CD163L1: variants seen among roughly 807,000 people sequenced by gnomAD.
CD163L1 encodes the protein scavenger receptor cysteine-rich type 1 protein M160.
Under a neutral mutation model 165.4 loss-of-function variants are expected in CD163L1, and 124 were observed. The observed-to-expected ratio is 0.75, with a 90% CI of 0.65 to 0.87. The LOEUF is 0.87. CD163L1 is among the 40% of genes least tolerant of loss of function. The pLI, the probability that CD163L1 is intolerant of heterozygous loss-of-function variation, is 0.00. For synonymous variants in CD163L1, 585 were observed against 662.2 expected (o/e 0.88, Z 1.79); for missense variants, 1,525 against 1,799.9 (o/e 0.85, Z 2.76).
At position 7,400,912 on chromosome 12, in the gene CD163L1, G is replaced by C. The variant is rs776397360; in HGVS notation, c.1409-2328C>G. Among the ~76,000 whole-genome samples the C allele has an allele frequency of 6.6e-6, 1 of 152,124 alleles. No homozygotes were observed. Among genetic ancestry groups the C allele is most frequent in the African/African-American group, 2.4e-5 (1 of 41,426 alleles). The stretch of plus-strand genomic sequence containing the variant: ...AAAGGGACTCTATAAAATACACAGA[G>C]TTCTTACACATTATGAAGACAAAGA... On this transcript the variant is annotated intron_variant, in intron 6 of 19. Coordinates refer to ENST00000313599, the MANE Select transcript of CD163L1 (RefSeq NM_174941.6). The surrounding 1 kb of genome is among the most constrained non-coding windows in gnomAD (Gnocchi z 4.1).
intron 4 of CD163L1, among the ~76,000 whole-genome samples, chr12:7,428,316 T>C (rs1303944419): frequency 6.6e-6 from 1 of 152,128 alleles, no homozygotes; most frequent in Non-Finnish European, 1.5e-5. Flanking sequence ...CTATTTAGTA[T>C]GAAATATACA....
intron 18 of CD163L1, among the ~76,000 whole-genome samples, chr12:7,359,498 A>T (rs1946849469): frequency 6.6e-6 from 1 of 152,116 alleles, no homozygotes; most frequent in Non-Finnish European, 1.5e-5. Context: ...AGAATTCTGT[A>T]TTCAGGGGAA....
intron 8 of CD163L1, among the ~76,000 whole-genome samples, chr12:7,394,470 G>A (rs186682848): frequency 6.6e-6 from 1 of 152,146 alleles, no homozygotes; most frequent in Non-Finnish European, 1.5e-5. Context: ...TTCAATGTTA[G>A]ACCTAAAAGC....
chr12:7,438,257 C>A (rs193216894), intron 2 of CD163L1, among the ~76,000 whole-genome samples: 1 of 151,842 alleles, frequency 6.6e-6, no homozygotes, highest in Admixed American at 6.6e-5. Context: ...TTTTTATAGC[C>A]CTTGATAAAT....
Position 7,379,143 on chromosome 12 carries a change from C to T in CD163L1, c.2206G>A (p.Ala736Thr), listed in dbSNP as rs368373399. 3.1e-6 allele frequency: 5 copies of T among 1,614,044 alleles called. No individual in the cohort carries two copies. In the African/African-American group the frequency reaches 6.7e-5, roughly 22 times the overall value. Residue 736 changes from alanine to threonine, a missense_variant, in exon 9 of 20, where the codon GCA (alanine) becomes ACA (threonine). Coordinates refer to ENST00000313599, the MANE Select transcript of CD163L1 (RefSeq NM_174941.6). ...VVCRQLECGS[A>T]IRVSREPHFT... ...TGAGGCTCTCTGGAGACCCTGATTG[C>T]AGACCCACATTCAAGTTGCCTGCAA...
intron 8 of CD163L1, among the ~76,000 whole-genome samples, chr12:7,391,324 C>T (rs781651328): frequency 5.3e-5 from 8 of 152,184 alleles, no homozygotes; most frequent in African/African-American, 1.4e-4. Context: ...TCCAAAGGAT[C>T]GCACCTCCCC....
rs759297408 is a variant in CD163L1, at chr12:7,433,666, G to A, written c.153C>T (p.Val51=). The A allele has an allele frequency of 1.2e-6, 2 of 1,613,216 alleles. No individual in the cohort carries two copies. Among genetic ancestry groups the A allele is most frequent in the Non-Finnish European group, 1.7e-6 (2 of 1,179,484 alleles). The change falls in exon 3 of 20, where the codon GTC becomes GTT. Residue 51 remains valine, a synonymous_variant. Transcript: ENST00000313599. Reference sequence around the variant, plus strand: ...TCCCAGAGCAGGGACCGTCTCCATTGACCAGCCTCAACTCCAAATCTGTTC... The same window carrying A: ...TCCCAGAGCAGGGACCGTCTCCATTAACCAGCCTCAACTCCAAATCTGTTC... ...FNGTDLELRL[V]NGDGPCSGTV...
intron 4 of CD163L1, among the ~76,000 whole-genome samples, chr12:7,417,844 G>A (rs1948276759): frequency 6.6e-6 from 1 of 151,934 alleles, no homozygotes. Context: ...TCACATCGAT[G>A]TTCATCAGGG....
chr12:7,416,567 C>A (rs906459869), intron 4 of CD163L1, among the ~76,000 whole-genome samples: 1 of 152,150 alleles, frequency 6.6e-6, no homozygotes, highest in Non-Finnish European at 1.5e-5. Context: ...ATGTTTAAGT[C>A]TTTAATCCAT....
intron 8 of CD163L1, among the ~76,000 whole-genome samples, chr12:7,392,482 A>G (rs1419136373): frequency 6.6e-6 from 1 of 152,212 alleles, no homozygotes; most frequent in Non-Finnish European, 1.5e-5. Context: ...GGAAAGATCT[A>G]AAATCAACAC....
chr12:7,431,436 A>AC (rs1010681727), intron 4 of CD163L1, among the ~76,000 whole-genome samples: 20 of 151,876 alleles, frequency 1.3e-4, no homozygotes, highest in African/African-American at 4.6e-4. Context: ...CCAAAAAAAA[A>AC]AGATGAAGAA....
Position 7,367,289 on chromosome 12 carries a change from T to G in CD163L1, c.4226A>C (p.His1409Pro), listed in dbSNP as rs1427196126. Residue 1409 changes from histidine to proline, a missense_variant, in exon 18 of 20, where the codon CAT (histidine) becomes CCT (proline). By Grantham distance (77) the His-to-Pro change is moderately conservative. Coordinates refer to ENST00000313599, the MANE Select transcript of CD163L1 (RefSeq NM_174941.6). The stretch of plus-strand genomic sequence containing the variant: ...TCTCTTGAGGCAGGTCTCCATCTCA[T>G]GGAATAAATTCTCCTCGAGAGAACC... ...RRGSLEENLF[H>P]EMETCLKRED... The G allele has an allele frequency of 6.2e-7, 1 of 1,613,578 alleles. No individual in the cohort carries two copies. Among genetic ancestry groups the G allele is most frequent in the Non-Finnish European group, 8.5e-7 (1 of 1,179,598 alleles).
chr12:7,409,680 C>A (rs1225600413), intron 4 of CD163L1, among the ~76,000 whole-genome samples: 1 of 152,166 alleles, frequency 6.6e-6, no homozygotes, highest in African/African-American at 2.4e-5. Context: ...GGGTTGGAGA[C>A]CCCTGTCGTA....
the CD163L1 span, among the ~76,000 whole-genome samples, chr12:7,336,738 G>A: frequency 3.3e-5 from 5 of 152,026 alleles, no homozygotes; most frequent in East Asian, 3.9e-4. Flanking sequence ...AATCAATATC[G>A]TGAAAATGGC....
rs1229910529 is a variant in CD163L1 at position 7,440,001 on chromosome 12, G to A, written c.124+1153C>T. ...CAGCCTGCTCCATCCTAGCAGCTCC[G>A]CAAACCGCCGAGGAAAACCCGCTGC... On this transcript the variant is annotated intron_variant, in intron 2 of 19. Coordinates refer to ENST00000313599, the MANE Select transcript of CD163L1 (RefSeq NM_174941.6). The A allele has an allele frequency of 4.0e-6, 6 of 1,517,958 alleles. No homozygotes were observed. In the African/African-American group the frequency reaches 5.5e-5, roughly 14 times the overall value. The allele number at this position is 1,517,958 out of a possible 1,614,324, so 94.0% of individuals were successfully genotyped here. A position where few individuals can be genotyped will look rare whatever the true frequency, so the allele number is the denominator to read the frequency against.
At chr12:7,395,778 A>G (rs1026687360) in intron 8 of CD163L1, among the ~76,000 whole-genome samples, 5 of 152,152 alleles carry the variant, frequency 3.3e-5, no homozygotes, top group African/African-American at 1.2e-4. Context: ...TAAATAAATA[A>G]CTGAATTCTC....
At chr12:7,324,208 A>C in the CD163L1 span, 1 of 1,575,686 alleles carries the variant, frequency 6.3e-7, no homozygotes, top group African/African-American at 1.3e-5. Context: ...CTAGTCACTT[A>C]ATGAGTGCCA....
the CD163L1 span, among the ~76,000 whole-genome samples, chr12:7,319,211 C>A: frequency 9.9e-5 from 15 of 152,234 alleles, no homozygotes; most frequent in African/African-American, 3.6e-4. Context: ...CCCTCACATG[C>A]ACAGTTCACA....
At position 7,435,343 on chromosome 12, in the gene CD163L1, C is replaced by T. The variant is rs1355917911; in HGVS notation, c.125-1649G>A. On this transcript the variant is annotated intron_variant, in intron 2 of 19. Coordinates refer to ENST00000313599, the MANE Select transcript of CD163L1 (RefSeq NM_174941.6). ...AATATATTAGCAACATATATTATGA[C>T]TATGGACTAGTATCTAGATTATATT... Among the ~76,000 whole-genome samples, 3 of 151,398 alleles carry T rather than the reference C, an allele frequency of 2.0e-5. No individual in the cohort carries two copies. The South Asian group carries it at 6.2e-4, about 31-fold the overall frequency.
Sources: gnomAD v4.1 joint callset for allele counts (sites outside exome capture counted in the v4.1 genomes callset) on GRCh38, gnomAD v4.1.1 for gene constraint, Gnocchi (gnomAD v3.1) non-coding constraint, MANE v1.5 for transcripts, NCBI Gene and HGNC (gene_info 2026-07-23, HGNC 2026-07-21) for gene names.